Variants in TOGARAM1 observed in about 807,000 individuals in gnomAD.
TOGARAM1 encodes the protein TOG array regulator of axonemal microtubules 1.
A neutral mutation model predicts 166.6 loss-of-function variants in TOGARAM1; 100 were observed. The ratio of observed to expected loss-of-function variants is 0.60; its 90% confidence interval spans 0.51 to 0.71. The LOEUF (loss-of-function observed/expected upper bound fraction) is 0.71. Ranked by LOEUF, TOGARAM1 falls within the 30% of genes least tolerant of loss-of-function variation. TOGARAM1 has a pLI of 0.00. For synonymous variants in TOGARAM1, 758 were observed against 763.8 expected (o/e 0.99, Z 0.13); for missense variants, 2,029 against 2,102.7 (o/e 0.96, Z 0.69).
chr14:44,985,165 C>T (rs1285666370), intron 1 of TOGARAM1, among the ~76,000 whole-genome samples: 3 of 152,088 alleles, frequency 2.0e-5, no homozygotes, highest in African/African-American at 4.8e-5. Flanking sequence ...AGGGGTGGAC[C>T]ACCACGCCTG....
At chr14:45,011,333 G>A (rs1879778780) in intron 6 of TOGARAM1, among the ~76,000 whole-genome samples, 2 of 152,144 alleles carry the variant, frequency 1.3e-5, no homozygotes, top group South Asian at 4.1e-4. Context: ...ATTTTTTTGA[G>A]ACAAGGTCTC....
chr14:45,020,005 C>T (rs1880401820), intron 7 of TOGARAM1, among the ~76,000 whole-genome samples: 1 of 152,138 alleles, frequency 6.6e-6, no homozygotes, highest in Non-Finnish European at 1.5e-5. Context: ...AGATTTTAGT[C>T]ATGGACTGCA....
At chr14:44,999,212 G>C in intron 2 of TOGARAM1, 151 bp from the exon 3 acceptor site, 1 of 603,384 alleles carries the variant, frequency 1.7e-6, no homozygotes, top group Non-Finnish European at 2.6e-6. Flanking sequence ...AGTATCAAAA[G>C]CTGTATCCCT....
At chr14:45,031,242 A>G (rs560225380) in intron 10 of TOGARAM1, among the ~76,000 whole-genome samples, 19 of 152,310 alleles carry the variant, frequency 1.2e-4, no homozygotes, top group Admixed American at 1.2e-3. Context: ...ATCTTTACCT[A>G]CTTATAAAAG....
Position 45,019,623 on chromosome 14 carries a change from A to G in TOGARAM1, c.3239-6160A>G, listed in dbSNP as rs538675941. Among the ~76,000 whole-genome samples, 245 of 152,294 alleles carry G rather than the reference A, an allele frequency of 1.6e-3. 1 individual carries two copies. The highest frequency in any genetic ancestry group is 2.6e-3 in the Non-Finnish European group (176 of 68,030). On this transcript the variant is annotated intron_variant, in intron 7 of 19. Coordinates refer to ENST00000361462, the MANE Select transcript of TOGARAM1 (RefSeq NM_001308120.2). Reference sequence around the variant, plus strand: ...CCCTCCTGCTGTGCTCTCAGGCGATAGATGATTGGCTATTTCTTTACCTCC... The same window carrying G: ...CCCTCCTGCTGTGCTCTCAGGCGATGGATGATTGGCTATTTCTTTACCTCC...
chr14:45,046,293 G>A (rs1224774155), intron 13 of TOGARAM1, among the ~76,000 whole-genome samples: 1 of 152,104 alleles, frequency 6.6e-6, no homozygotes, highest in Non-Finnish European at 1.5e-5. Context: ...CAAATTACCT[G>A]GGTGTGGTGG....
chr14:44,990,852 T>G (rs1887083515), intron 1 of TOGARAM1, among the ~76,000 whole-genome samples: 1 of 151,646 alleles, frequency 6.6e-6, no homozygotes, highest in Non-Finnish European at 1.5e-5. Flanking sequence ...GGTCTTACTG[T>G]GTTGCCCAGG....
rs1165116477 is a variant in TOGARAM1, at chr14:44,962,443, C to T, written c.22C>T (p.Leu8=). MAAAPSA[L]LLLPPFPVLS... ...CTGCATGGCGGCTGCCCCCTCCGCG[C>T]TGCTTCTGCTGCCGCCCTTTCCAGT... The change falls in exon 1 of 20, where the codon CTG becomes TTG. Residue 8 remains leucine, a synonymous_variant. Coordinates refer to ENST00000361462, the MANE Select transcript of TOGARAM1 (RefSeq NM_001308120.2). 1.3e-6 allele frequency: 2 copies of T among 1,571,902 alleles called. No individual in the cohort carries two copies. Among genetic ancestry groups the T allele is most frequent in the South Asian group, 1.2e-5 (1 of 86,072 alleles).
chr14:45,004,942 G>C (rs1412114695), intron 4 of TOGARAM1, among the ~76,000 whole-genome samples: 1 of 149,700 alleles, frequency 6.7e-6, no homozygotes, highest in African/African-American at 2.5e-5. Flanking sequence ...TTTTTTTTGA[G>C]ACGGAGTTTC....
chr14:45,055,698 G>C (rs534080300), intron 16 of TOGARAM1, among the ~76,000 whole-genome samples: 1 of 151,788 alleles, frequency 6.6e-6, no homozygotes, highest in East Asian at 1.9e-4. Context: ...CAGCTACTTG[G>C]GAGGCTGAGG....
chr14:45,060,213 C>T lies in TOGARAM1; in HGVS notation c.4559+5664C>T, dbSNP rs538394525. Among the ~76,000 whole-genome samples the T allele has an allele frequency of 4.8e-5, 7 of 146,374 alleles. No homozygotes were observed. The East Asian group carries it at 1.0e-3, about 21-fold the overall frequency. Reference sequence around the variant, plus strand: ...GATTACAGGCATGAGACACTGCACCCGGCCTTTTTTTTTTTTTTTTGAGAT... The same window carrying T: ...GATTACAGGCATGAGACACTGCACCTGGCCTTTTTTTTTTTTTTTTGAGAT... On this transcript the variant is annotated intron_variant, in intron 16 of 19. Coordinates refer to ENST00000361462, the MANE Select transcript of TOGARAM1 (RefSeq NM_001308120.2).
Position 44,999,375 on chromosome 14 carries a change from C to T in TOGARAM1, c.2216C>T (p.Thr739Ile), listed in dbSNP as rs763561876. 6.2e-7 allele frequency: 1 copy of T among 1,608,008 alleles called. No homozygotes were observed. ...LPLCAAGTTG[T>I]HQTNLSGKCA... is the part of the protein sequence containing the mutation. The stretch of plus-strand genomic sequence containing the variant: ...CTTTCTTCAAAAGGTACTACTGGGA[C>T]TCATCAAACAAATCTTTCTGGGAAA... Residue 739 changes from threonine (T) to isoleucine (I), a missense_variant, in exon 3 of 20, where the codon ACT becomes ATT. This residue lies in a region of TOGARAM1 where 1,453 missense variants were observed against 1,432.2 expected (regional missense o/e 1.01). Transcript: ENST00000361462.
At chr14:45,055,736 G>A (rs112653872) in intron 16 of TOGARAM1, among the ~76,000 whole-genome samples, 16,840 of 150,122 alleles carry the variant, frequency 0.11, 1,362 homozygotes, top group African/African-American at 0.23. Context: ...TCCAGGAGGC[G>A]GAGGTTGCAG....
rs1263231920 is a variant in TOGARAM1, at chr14:44,962,222, T to TGTGGGGTC, written c.-199_-192dup. ...GCCCTTGGTTACGCCCGGTGGCAGC[T>TGTGGGGTC]GTGGGGTCTAGGGCTCAGACGGGGG... is the stretch of plus-strand genomic sequence containing the variant. On this transcript the variant is annotated 5_prime_UTR_variant, in exon 1 of 20. Transcript: ENST00000361462. 2.2e-5 allele frequency: 12 copies of TGTGGGGTC among 539,652 alleles called. No individual in the cohort carries two copies. The highest frequency in any genetic ancestry group is 3.8e-5 in the Non-Finnish European group (12 of 317,806). The allele number at this position is 539,652 out of a possible 1,614,324, so 33.4% of individuals were successfully genotyped here. A position where few individuals can be genotyped will look rare whatever the true frequency, so the allele number is the denominator to read the frequency against.
intron 7 of TOGARAM1, among the ~76,000 whole-genome samples, chr14:45,016,877 G>C (rs1880175443): frequency 1.3e-5 from 2 of 152,132 alleles, no homozygotes; most frequent in Non-Finnish European, 2.9e-5. Flanking sequence ...TAAAAGGTTA[G>C]AAGTTGAGAT....
Position 44,963,427 on chromosome 14 carries a change from C to G in TOGARAM1, c.1006C>G (p.Pro336Ala). The change falls in exon 1 of 20, where the codon CCC (proline) becomes GCC (alanine). Residue 336 changes from proline to alanine, a missense_variant. Coordinates refer to ENST00000361462, the MANE Select transcript of TOGARAM1 (RefSeq NM_001308120.2). ...EASGFPEDPL[P>A]CAVTLSNSNL... is the part of the protein sequence containing the mutation. ...CTCTGGATTTCCTGAAGATCCCCTT[C>G]CCTGTGCAGTGACTCTTTCCAACAG... The G allele has an allele frequency of 3.7e-6, 6 of 1,614,184 alleles. No individual in the cohort carries two copies. The highest frequency in any genetic ancestry group is 5.1e-6 in the Non-Finnish European group (6 of 1,180,030).
intron 16 of TOGARAM1, among the ~76,000 whole-genome samples, chr14:45,065,442 T>A (rs1376595424): frequency 6.6e-6 from 1 of 152,216 alleles, no homozygotes; most frequent in East Asian, 1.9e-4. Context: ...AAAAATCTCA[T>A]AATGTTTTAA....
chr14:45,005,522 G>A (rs1397366316), intron 4 of TOGARAM1, among the ~76,000 whole-genome samples: 4 of 152,144 alleles, frequency 2.6e-5, no homozygotes, highest in African/African-American at 9.7e-5. Flanking sequence ...GCTGAGGCGG[G>A]AGAATCGCTT....
intron 10 of TOGARAM1, among the ~76,000 whole-genome samples, chr14:45,031,097 A>ACTTG (rs1881128925): frequency 6.6e-6 from 1 of 152,186 alleles, no homozygotes; most frequent in Admixed American, 6.5e-5. Context: ...CATCAAGTGA[A>ACTTG]ATCTCTTATA....
Sources: allele counts gnomAD v4.1 joint callset (sites outside exome capture counted in the v4.1 genomes callset), GRCh38; gene constraint gnomAD v4.1.1; regional missense constraint gnomAD v4.1.1; transcripts MANE v1.5; gene names NCBI Gene and HGNC (gene_info 2026-07-23, HGNC 2026-07-21).